Variants in SDK1 observed in about 807,000 individuals in gnomAD.
The protein encoded by SDK1 is sidekick cell adhesion molecule 1, also known as protein sidekick-1.
SDK1 carries 157 observed loss-of-function variants against 245.5 expected under a neutral mutation model. The observed-to-expected ratio is 0.64, with a 90% CI of 0.56 to 0.73. The LOEUF is 0.73. Among genes scored for constraint, SDK1 ranks in the 30% least tolerant of loss-of-function variants. The pLI is 0.00. For synonymous variants in SDK1, 1,647 were observed against 1,278.5 expected, an observed-to-expected ratio of 1.29 and a Z score of -6.15; for missense variants, 3,583 against 3,002.3, an observed-to-expected ratio of 1.19 and a Z score of -4.52.
In SDK1 at chr7:3,835,847, T is replaced by C. The variant is rs1177234457; in HGVS notation, c.847+14264T>C. On this transcript the variant is annotated intron_variant, in intron 5 of 44. Coordinates refer to ENST00000404826, the MANE Select transcript of SDK1 (RefSeq NM_152744.4). ...ATGTTCTAAGTCAGGGAATAGTAAT[T>C]TTCCCACACATCCTGAGTTTCTGCC... is the stretch of plus-strand genomic sequence containing the variant. Among the ~76,000 whole-genome samples, 4 of 152,220 alleles carry C rather than the reference T, an allele frequency of 2.6e-5. No individual in the cohort carries two copies. In the South Asian group the frequency reaches 6.2e-4, roughly 24 times the overall value.
At chr7:3,744,338 TTGTC>T (rs367944548) in intron 4 of SDK1, among the ~76,000 whole-genome samples, 24 of 152,280 alleles carry the variant, frequency 1.6e-4, no homozygotes, top group African/African-American at 5.3e-4. Flanking sequence ...TTTAGCTTCT[TTGTC>T]TGTTCATTGT....
intron 2 of SDK1, among the ~76,000 whole-genome samples, chr7:3,623,577 A>G (rs1231525693): frequency 6.6e-6 from 1 of 152,076 alleles, no homozygotes; most frequent in Non-Finnish European, 1.5e-5. Flanking sequence ...TCATGTCTAC[A>G]TTTTGGTGGC....
chr7:4,022,189 G>A (rs1032115513), intron 17 of SDK1, among the ~76,000 whole-genome samples: 6 of 152,110 alleles, frequency 3.9e-5, no homozygotes, highest in South Asian at 2.1e-4. Context: ...ATTATTTGTC[G>A]GCATAATTTG....
chr7:3,579,041 G>T (rs1035498199), intron 1 of SDK1, among the ~76,000 whole-genome samples: 1 of 151,878 alleles, frequency 6.6e-6, no homozygotes, highest in Admixed American at 6.6e-5. Context: ...TTCCTCTGCC[G>T]CGGCTCCAGC....
chr7:3,670,363 T>C (rs751239279), intron 4 of SDK1, among the ~76,000 whole-genome samples: 14 of 152,350 alleles, frequency 9.2e-5, no homozygotes, highest in African/African-American at 2.6e-4. Flanking sequence ...CTTTGGTATA[T>C]TGGTTACGTT....
intron 2 of SDK1, among the ~76,000 whole-genome samples, chr7:3,632,927 C>G (rs1782341640): frequency 6.6e-6 from 1 of 152,152 alleles, no homozygotes; most frequent in South Asian, 2.1e-4. Flanking sequence ...GCTATAGACT[C>G]ATCCCACTTT....
At chr7:3,895,877 C>T (rs867064277) in intron 5 of SDK1, among the ~76,000 whole-genome samples, 1 of 152,090 alleles carries the variant, frequency 6.6e-6, no homozygotes, top group African/African-American at 2.4e-5. Context: ...AGTTCTAACT[C>T]TTTGGCGATT....
chr7:4,051,429 A>G (rs539623097), intron 18 of SDK1, among the ~76,000 whole-genome samples: 19 of 151,740 alleles, frequency 1.3e-4, no homozygotes, highest in African/African-American at 4.3e-4. Flanking sequence ...AGTATAAAAT[A>G]CATGTAAATA....
chr7:3,453,863 T>C (rs941613374), intron 1 of SDK1, among the ~76,000 whole-genome samples: 1 of 151,828 alleles, frequency 6.6e-6, no homozygotes, highest in African/African-American at 2.4e-5. Context: ...CTTGGCAGTA[T>C]TTTTTTTAAT....
chr7:3,334,693 C>A (rs1417003391), intron 1 of SDK1, among the ~76,000 whole-genome samples: 7 of 152,156 alleles, frequency 4.6e-5, no homozygotes, highest in African/African-American at 1.7e-4. Context: ...TTCGTTGAAT[C>A]TTCCCTTCCT....
chr7:4,161,337 C>T (rs548238891), intron 31 of SDK1, among the ~76,000 whole-genome samples: 1 of 152,276 alleles, frequency 6.6e-6, no homozygotes, highest in South Asian at 2.1e-4. Context: ...TTCCTGACAG[C>T]CTTTTAGTGT....
chr7:3,803,866 G>A (rs1311935449), intron 4 of SDK1, among the ~76,000 whole-genome samples: 4 of 149,556 alleles, frequency 2.7e-5, no homozygotes, highest in Admixed American at 6.8e-5. Context: ...CCATGTTCAC[G>A]CCATTCTCCT....
intron 17 of SDK1, among the ~76,000 whole-genome samples, chr7:4,043,107 G>T (rs542388863): frequency 1.1e-5 from 1 of 92,714 alleles, no homozygotes; most frequent in Non-Finnish European, 2.0e-5. Flanking sequence ...TAGAGTGAGT[G>T]TCACAGCCAG....
At chr7:3,386,474 A>C (rs183229975) in intron 1 of SDK1, among the ~76,000 whole-genome samples, 1 of 152,216 alleles carries the variant, frequency 6.6e-6, no homozygotes, top group African/African-American at 2.4e-5. Context: ...TTTTGTTTAG[A>C]GTTAACAGAG....
chr7:3,768,566 T>G (rs984576151), intron 4 of SDK1, among the ~76,000 whole-genome samples: 1 of 152,196 alleles, frequency 6.6e-6, no homozygotes, highest in African/African-American at 2.4e-5. Context: ...TGCTTTACAT[T>G]TGGAATGTCT....
intron 4 of SDK1, among the ~76,000 whole-genome samples, chr7:3,663,286 C>T (rs1172808091): frequency 2.6e-5 from 4 of 152,170 alleles, no homozygotes; most frequent in Middle Eastern, 3.4e-3. Flanking sequence ...AATGAACATC[C>T]ATGTTTTTGT....
At chr7:4,161,054 A>C (rs1009501027) in intron 31 of SDK1, among the ~76,000 whole-genome samples, 1 of 152,072 alleles carries the variant, frequency 6.6e-6, no homozygotes, top group Non-Finnish European at 1.5e-5. Flanking sequence ...CCGGGATCTT[A>C]CAGCTGGGAG....
chr7:4,248,958 A>G (rs1209805596), intron 44 of SDK1, among the ~76,000 whole-genome samples: 2 of 146,592 alleles, frequency 1.4e-5, no homozygotes, highest in East Asian at 1.9e-4. Flanking sequence ...ATACATACCT[A>G]AATACACACA....
intron 4 of SDK1, among the ~76,000 whole-genome samples, chr7:3,715,270 A>ATAT (rs775785752): frequency 6.6e-6 from 1 of 152,202 alleles, no homozygotes; most frequent in African/African-American, 2.4e-5. Context: ...GCTGCAGACT[A>ATAT]TATATAAATT....
Sources: gnomAD v4.1 joint callset for allele counts (sites outside exome capture counted in the v4.1 genomes callset) on GRCh38, gnomAD v4.1.1 for gene constraint, MANE v1.5 for transcripts, NCBI Gene and HGNC (gene_info 2026-07-23, HGNC 2026-07-21) for gene names.